EFHC2: variants seen among roughly 807,000 people sequenced by gnomAD.
The protein encoded by EFHC2 is EF-hand domain containing 2.
EFHC2 carries 18 observed loss-of-function variants against 52.7 expected under a neutral mutation model. The observed-to-expected ratio is 0.34, with a 90% CI of 0.24 to 0.51. EFHC2 has a LOEUF of 0.51. EFHC2 is among the 20% of genes least tolerant of loss of function. The pLI is 0.97. For synonymous variants in EFHC2, 203 were observed against 204.1 expected, an observed-to-expected ratio of 0.99 and a Z score of 0.04; for missense variants, 513 against 562.5, an observed-to-expected ratio of 0.91 and a Z score of 0.89.
At chrX:44,231,471 C>T (rs942987583) in intron 10 of EFHC2, among the ~76,000 whole-genome samples, 4 of 109,347 alleles carry the variant, frequency 3.7e-5, no homozygotes, top group African/African-American at 6.7e-5. Flanking sequence ...TCCTTCCTTT[C>T]GCTCTCCTTC....
chrX:44,232,270 G>C (rs1021683873), intron 10 of EFHC2, among the ~76,000 whole-genome samples: 1 of 112,403 alleles, frequency 8.9e-6, no homozygotes, highest in African/African-American at 3.2e-5. Context: ...CTGGGCAGAA[G>C]AGAACCCAGC....
intron 1 of EFHC2, among the ~76,000 whole-genome samples, chrX:44,330,951 T>C (rs1422975940): frequency 4.5e-5 from 5 of 112,098 alleles, no homozygotes; most frequent in Non-Finnish European, 7.5e-5. Flanking sequence ...AAATGGTAAT[T>C]TGCTCTCAAA....
chrX:44,325,676 A>T (rs1562875), intron 1 of EFHC2, among the ~76,000 whole-genome samples: 7,893 of 107,033 alleles, frequency 0.074, 440 homozygotes, highest in East Asian at 0.41. Context: ...CCTCTATTTC[A>T]GAACTCCAGC....
chrX:44,277,278 A>C (rs940044422), intron 2 of EFHC2, among the ~76,000 whole-genome samples: 6 of 107,780 alleles, frequency 5.6e-5, no homozygotes, highest in Non-Finnish European at 1.1e-4. Context: ...AAAAAAAAAA[A>C]AAATCTTACA....
At position 44,176,099 on chromosome X, in the gene EFHC2, T is replaced by C. The variant is rs150446077; in HGVS notation, c.2042+193A>G. Among the ~76,000 whole-genome samples the C allele has an allele frequency of 8.7e-3, 985 of 112,651 alleles. 13 individuals carry two copies. The highest frequency in any genetic ancestry group is 0.028 in the African/African-American group (880 of 31,042). ...AAAAAGATAAAATAATAATTTGTAA[T>C]AGGCTCTCTAACATTCAAAATCAAG... On this transcript the variant is annotated intron_variant, in intron 13 of 14. Transcript: ENST00000420999.
intron 11 of EFHC2, among the ~76,000 whole-genome samples, chrX:44,213,805 C>T (rs899418295): frequency 2.7e-5 from 3 of 111,808 alleles, no homozygotes; most frequent in Non-Finnish European, 3.8e-5. Flanking sequence ...TGAAGTATGT[C>T]TGACCCCTGC....
At chrX:44,286,641 T>TA (rs1303188294) in intron 2 of EFHC2, among the ~76,000 whole-genome samples, 2 of 111,348 alleles carry the variant, frequency 1.8e-5, no homozygotes, top group Non-Finnish European at 3.8e-5. Flanking sequence ...TACTTGTCTT[T>TA]AAAAAAATGT....
intron 11 of EFHC2, among the ~76,000 whole-genome samples, chrX:44,211,797 G>A (rs1412679969): frequency 3.1e-4 from 32 of 103,138 alleles, no homozygotes; most frequent in African/African-American, 9.6e-4. Flanking sequence ...GCGTGAAGCC[G>A]GGAGGTGGAG....
At chrX:44,338,751 G>T (rs1602224214) in intron 1 of EFHC2, among the ~76,000 whole-genome samples, 1 of 104,949 alleles carries the variant, frequency 9.5e-6, no homozygotes. Flanking sequence ...AGCTGGTCAT[G>T]ATTCATTAAA....
At chrX:44,283,192 T>C (rs1056249960) in intron 2 of EFHC2, among the ~76,000 whole-genome samples, 3 of 110,029 alleles carry the variant, frequency 2.7e-5, no homozygotes, top group Non-Finnish European at 5.7e-5. Flanking sequence ...AAGCACTTTG[T>C]TTGTTTTTGA....
At chrX:44,263,633 T>C (rs771352417) in intron 3 of EFHC2, among the ~76,000 whole-genome samples, 1 of 112,385 alleles carries the variant, frequency 8.9e-6, no homozygotes, top group South Asian at 3.7e-4. Flanking sequence ...GAAAACAGTA[T>C]GCAAATTATT....
In EFHC2 at chrX:44,262,531, A is replaced by AGAAAAG. The variant is rs1556015628; in HGVS notation, c.383-1234_383-1233insCTTTTC. Among the ~76,000 whole-genome samples, 34 of 93,661 alleles carry AGAAAAG rather than the reference A, an allele frequency of 3.6e-4. No individual in the cohort carries two copies. The South Asian group carries it at 7.3e-3, about 20-fold the overall frequency. The allele number at this position is 93,661 out of a possible 115,157, so 81.3% of individuals were successfully genotyped here. ...CTGTCTCAAAAAAAAAAAAAAAAAA[A>AGAAAAG]AAAAGAAAAGAAAAGAAAAAGAAAA... On this transcript the variant is annotated intron_variant, in intron 3 of 14. Transcript: ENST00000420999.
At chrX:44,263,246 A>G (rs1424948157) in intron 3 of EFHC2, among the ~76,000 whole-genome samples, 1 of 112,499 alleles carries the variant, frequency 8.9e-6, no homozygotes, top group Non-Finnish European at 1.9e-5. Context: ...TAATATAAAG[A>G]TGTCAACCTA....
Position 44,248,911 on chromosome X carries a change from G to A in EFHC2, c.864C>T (p.Cys288=). ...FLRRSKLPKN[C]PPRVYQPGQI... ...GGCCTGGTTGATAGACTCTAGGTGGGCAATTCTGGAAGACAAAATCAAAAC... is the reference window on the plus strand; with the variant it reads ...GGCCTGGTTGATAGACTCTAGGTGGACAATTCTGGAAGACAAAATCAAAAC... The change falls in exon 6 of 15, where the codon TGC becomes TGT. Residue 288 remains cysteine, a synonymous_variant. Transcript: ENST00000420999. 2 of 1,180,935 alleles carry A rather than the reference G, an allele frequency of 1.7e-6. No individual in the cohort carries two copies. Among genetic ancestry groups the A allele is most frequent in the East Asian group, 3.0e-5 (1 of 33,289 alleles).
chrX:44,323,456 C>G (rs1286345406), intron 1 of EFHC2, among the ~76,000 whole-genome samples: 1 of 111,984 alleles, frequency 8.9e-6, no homozygotes, highest in East Asian at 2.8e-4. Flanking sequence ...GAATTTGAGT[C>G]TTAAAGTGAA....
rs564364437 is a variant in EFHC2, at chrX:44,189,545, G to A, written c.1752-10981C>T. Among the ~76,000 whole-genome samples the A allele has an allele frequency of 1.7e-4, 19 of 111,987 alleles. No homozygotes were observed. In the South Asian group the frequency reaches 7.2e-3, roughly 42 times the overall value. On this transcript the variant is annotated intron_variant, in intron 11 of 14. Transcript: ENST00000420999. ...CCCAGGTTTTCTTCTTTTGGTGAAC[G>A]GAATCTCTTGAAGGGTGTTGAGCAA...
intron 10 of EFHC2, among the ~76,000 whole-genome samples, chrX:44,231,421 A>G (rs1404244304): frequency 9.0e-6 from 1 of 111,231 alleles, no homozygotes. Context: ...ACTTTCTCAG[A>G]GCTGTGTTGT....
At chrX:44,232,799 G>C (rs983123292) in intron 9 of EFHC2, 122 bp from the exon 10 acceptor site, 2 of 574,751 alleles carry the variant, frequency 3.5e-6, no homozygotes, top group Non-Finnish European at 5.1e-6. Flanking sequence ...AACTCATATT[G>C]CCTGTTATTT....
At position 44,279,755 on chromosome X, in the gene EFHC2, C is replaced by T. The variant is rs183932119; in HGVS notation, c.232-6919G>A. ...GAATTGCCCCAATAAAGTCTCCAACCAGGATGATTTACTAATGAATTTGTT... is the reference window on the plus strand; with the variant it reads ...GAATTGCCCCAATAAAGTCTCCAACTAGGATGATTTACTAATGAATTTGTT... On this transcript the variant is annotated intron_variant, in intron 2 of 14. Coordinates refer to ENST00000420999, the MANE Select transcript of EFHC2 (RefSeq NM_025184.4). 6.3e-5 allele frequency among the ~76,000 whole-genome samples: 7 copies of T among 110,601 alleles called. No individual in the cohort carries two copies. The Admixed American group carries it at 6.8e-4, about 11-fold the overall frequency.
Sources: allele counts gnomAD v4.1 joint callset (sites outside exome capture counted in the v4.1 genomes callset), GRCh38; gene constraint gnomAD v4.1.1; transcripts MANE v1.5; gene names NCBI Gene and HGNC (gene_info 2026-07-23, HGNC 2026-07-21).